The following PNPT1 variants were observed in gnomAD, a reference collection of about 807,000 sequenced individuals.
PNPT1 encodes the protein polyribonucleotide nucleotidyltransferase 1, mitochondrial.
PNPT1 carries 53 observed loss-of-function variants against 119.5 expected under a neutral mutation model. The ratio of observed to expected loss-of-function variants is 0.44; its 90% confidence interval spans 0.36 to 0.56. The LOEUF is 0.56. PNPT1 is among the 20% of genes least tolerant of loss of function. The pLI is 0.00. For synonymous variants in PNPT1, 357 were observed against 322.1 expected, an observed-to-expected ratio of 1.11 and a Z score of -1.16; for missense variants, 948 against 938.5, an observed-to-expected ratio of 1.01 and a Z score of -0.13.
At chr2:55,686,268 C>A (rs1697402733) in intron 3 of PNPT1, 102 bp downstream of exon 3, 2 of 1,015,226 alleles carry the variant, frequency 2.0e-6, no homozygotes, top group East Asian at 2.7e-5. Flanking sequence ...CTTTGTTGTG[C>A]AAGTTTGTAT....
At chr2:55,637,309 T>C (rs1455018768) in intron 27 of PNPT1, among the ~76,000 whole-genome samples, 1 of 152,230 alleles carries the variant, frequency 6.6e-6, no homozygotes, top group Non-Finnish European at 1.5e-5. Flanking sequence ...AACATGCTCA[T>C]GTATTTTTTA....
chr2:55,642,574 C>G (rs1695865701), intron 25 of PNPT1, among the ~76,000 whole-genome samples: 1 of 142,384 alleles, frequency 7.0e-6, no homozygotes, highest in Admixed American at 7.1e-5. Context: ...CCACTGCACT[C>G]CAGCCTGGGT....
rs1295091129 is a variant in PNPT1 at position 55,634,886 on chromosome 2, A to G, written c.*1351T>C. The G allele has an allele frequency of 1.3e-5, 2 of 150,352 alleles. No homozygotes were observed. Among genetic ancestry groups the G allele is most frequent in the Non-Finnish European group, 3.0e-5 (2 of 67,584 alleles). 9.3% of individuals were successfully genotyped at this position (150,352 alleles called of 1,614,324 possible). A position where few individuals can be genotyped will look rare whatever the true frequency, so the allele number is the denominator to read the frequency against. The stretch of plus-strand genomic sequence containing the variant: ...TACCTACATTTTTATAAGATTTAAA[A>G]TTTTTTTTAGAGATAAGAGTCCTGC... On this transcript the variant is annotated 3_prime_UTR_variant, in exon 28 of 28. Transcript: ENST00000447944.
At chr2:55,659,095 T>C (rs552344888) in intron 15 of PNPT1, among the ~76,000 whole-genome samples, 1 of 151,960 alleles carries the variant, frequency 6.6e-6, no homozygotes, top group Admixed American at 6.6e-5. Context: ...GCTGGGACTA[T>C]AGGCACATGC....
intron 1 of PNPT1, 104 bp from the exon 2 acceptor site, chr2:55,687,809 A>C: frequency 1.3e-6 from 1 of 759,796 alleles, no homozygotes; most frequent in Non-Finnish European, 2.0e-6. Context: ...CTAACCCCCA[A>C]CCCACCCACT....
At chr2:55,685,160 G>C (rs999124542) in intron 3 of PNPT1, 112 bp from the exon 4 acceptor site, 7 of 656,732 alleles carry the variant, frequency 1.1e-5, no homozygotes, top group African/African-American at 1.8e-5. Context: ...ACTCAGAGTA[G>C]AAAATGTTAT....
chr2:55,645,671 T>C (rs1006887340), intron 21 of PNPT1, among the ~76,000 whole-genome samples: 1 of 152,212 alleles, frequency 6.6e-6, no homozygotes, highest in African/African-American at 2.4e-5. Context: ...CGTGTATTCA[T>C]GTGTCCCAAA....
At position 55,644,735 on chromosome 2, in the gene PNPT1, A is replaced by C; in HGVS notation, c.1823-15T>G. On this transcript the variant is annotated splice_polypyrimidine_tract_variant and intron_variant, in intron 22 of 27. Transcript: ENST00000447944. ...CTGAACAGTTTCTGGAACGTAATAC[A>C]GACAAATATATAAACAATTCAACTA... 6.4e-7 allele frequency: 1 copy of C among 1,570,744 alleles called. No homozygotes were observed. The highest frequency in any genetic ancestry group is 8.7e-7 in the Non-Finnish European group (1 of 1,143,102).
At chr2:55,674,326 G>A (rs1301929193) in intron 8 of PNPT1, among the ~76,000 whole-genome samples, 2 of 152,188 alleles carry the variant, frequency 1.3e-5, no homozygotes, top group Non-Finnish European at 1.5e-5. Context: ...GAGCGTGGTG[G>A]CTCACACCTG....
At chr2:55,681,917 A>G (rs1318913155) in intron 5 of PNPT1, among the ~76,000 whole-genome samples, 1 of 151,622 alleles carries the variant, frequency 6.6e-6, no homozygotes, top group Non-Finnish European at 1.5e-5. Context: ...TGAGGCGGGC[A>G]GATCACGGGG....
intron 8 of PNPT1, among the ~76,000 whole-genome samples, chr2:55,675,248 T>C (rs1304375942): frequency 6.6e-6 from 1 of 150,756 alleles, no homozygotes; most frequent in Non-Finnish European, 1.5e-5. Context: ...ACTCATACTC[T>C]AGTCTGGACA....
chr2:55,640,045 T>C (rs1270232926), intron 26 of PNPT1, among the ~76,000 whole-genome samples: 2 of 152,222 alleles, frequency 1.3e-5, no homozygotes, highest in Non-Finnish European at 2.9e-5. Flanking sequence ...ATCCCATGTA[T>C]ATTATTTCTA....
intron 18 of PNPT1, among the ~76,000 whole-genome samples, chr2:55,648,201 C>T (rs1029271415): frequency 6.6e-6 from 1 of 152,174 alleles, no homozygotes; most frequent in African/African-American, 2.4e-5. Context: ...CTTTTGTTTT[C>T]TTTACTCGTG....
Position 55,651,213 on chromosome 2 carries a change from G to C in PNPT1, c.1495+3687C>G, listed in dbSNP as rs1269387953. 4.3e-4 allele frequency among the ~76,000 whole-genome samples: 63 copies of C among 145,378 alleles called. No homozygotes were observed. In the East Asian group the frequency reaches 0.012, roughly 27 times the overall value. ...TGGGAGGTGAGGGGCGCCTCTGCCC[G>C]GCCGCCCCTACTGGGAAGTGAGGAG... is the stretch of plus-strand genomic sequence containing the variant. On this transcript the variant is annotated intron_variant, in intron 18 of 27. Transcript: ENST00000447944.
At chr2:55,680,611 G>A (rs1697218978) in intron 7 of PNPT1, 101 bp downstream of exon 7, 1 of 1,055,472 alleles carries the variant, frequency 9.5e-7, no homozygotes, top group African/African-American at 1.6e-5. Context: ...TCATGAAGAG[G>A]TAATAAATCA....
intron 18 of PNPT1, among the ~76,000 whole-genome samples, chr2:55,650,456 C>T (rs910933060): frequency 1.3e-5 from 2 of 152,170 alleles, no homozygotes; most frequent in Non-Finnish European, 2.9e-5. Flanking sequence ...TCAATGGTGC[C>T]CAGGCTGGAG....
Position 55,680,922 on chromosome 2 carries a change from G to C in PNPT1, c.454-4C>G. Reference sequence around the variant, plus strand: ...CTGCTAACAGATTACACAGAACCTGGTAAAAGGGAAAAAATTTGATTTGGA... The same window carrying C: ...CTGCTAACAGATTACACAGAACCTGCTAAAAGGGAAAAAATTTGATTTGGA... On this transcript the variant is annotated splice_region_variant and splice_polypyrimidine_tract_variant and intron_variant, in intron 5 of 27. Coordinates refer to ENST00000447944, the MANE Select transcript of PNPT1 (RefSeq NM_033109.5). 1 of 1,611,232 alleles carries C rather than the reference G, an allele frequency of 6.2e-7. No homozygotes were observed. The highest frequency in any genetic ancestry group is 8.5e-7 in the Non-Finnish European group (1 of 1,179,082).
chr2:55,636,999 G>T (rs541580941), intron 27 of PNPT1, among the ~76,000 whole-genome samples: 54 of 152,318 alleles, frequency 3.5e-4, no homozygotes, highest in Non-Finnish European at 6.0e-4. Context: ...GAATAAACCA[G>T]AAGCCTTAGT....
intron 27 of PNPT1, among the ~76,000 whole-genome samples, chr2:55,637,253 G>A (rs916202968): frequency 3.3e-5 from 5 of 152,204 alleles, no homozygotes; most frequent in African/African-American, 9.7e-5. Context: ...CCTTATCACA[G>A]TTCTTACGTC....
Sources: allele counts gnomAD v4.1 joint callset (sites outside exome capture counted in the v4.1 genomes callset), GRCh38; gene constraint gnomAD v4.1.1; transcripts MANE v1.5; gene names NCBI Gene and HGNC (gene_info 2026-07-23, HGNC 2026-07-21).